Variants in WNT7B observed in about 807,000 individuals in gnomAD.
The protein encoded by WNT7B is protein Wnt-7b.
Under a neutral mutation model 38.2 loss-of-function variants are expected in WNT7B, and 19 were observed. The observed-to-expected ratio is 0.50, with a 90% CI of 0.35 to 0.73. The LOEUF is 0.73. WNT7B is among the 30% of genes least tolerant of loss of function. The pLI is 0.01. For synonymous variants in WNT7B, 243 were observed against 209.3 expected, an observed-to-expected ratio of 1.16 and a Z score of -1.39; for missense variants, 423 against 507.9, an observed-to-expected ratio of 0.83 and a Z score of 1.61.
intron 2 of WNT7B, among the ~76,000 whole-genome samples, chr22:45,948,444 C>T (rs1408653632): frequency 6.6e-6 from 1 of 152,244 alleles, no homozygotes; most frequent in Non-Finnish European, 1.5e-5. Context: ...TGCGCCACCC[C>T]CAGCCCCACA....
intron 1 of WNT7B, among the ~76,000 whole-genome samples, chr22:45,959,120 G>C (rs1932137348): frequency 6.6e-6 from 1 of 152,224 alleles, no homozygotes; most frequent in Admixed American, 6.5e-5. Context: ...TGAATGGTGG[G>C]TGACGAGTGG....
In WNT7B at chr22:45,977,152, C is replaced by G. The variant is rs1292320575; in HGVS notation, c.-398G>C. 7.1e-6 allele frequency: 3 copies of G among 420,562 alleles called. No individual in the cohort carries two copies. Among genetic ancestry groups the G allele is most frequent in the African/African-American group, 6.5e-5 (3 of 46,218 alleles). The allele number at this position is 420,562 out of a possible 1,614,324, so 26.1% of individuals were successfully genotyped here. A position where few individuals can be genotyped will look rare whatever the true frequency, so the allele number is the denominator to read the frequency against. On this transcript the variant is annotated 5_prime_UTR_variant, in exon 1 of 4. Coordinates refer to ENST00000339464, the MANE Select transcript of WNT7B (RefSeq NM_058238.3). The stretch of plus-strand genomic sequence containing the variant: ...AATGTGTCCGCACTTGTCGGCCGCC[C>G]CAGGTGACTCGCGGCCCCGGCAAGC...
intron 1 of WNT7B, among the ~76,000 whole-genome samples, chr22:45,969,301 C>G (rs937433919): frequency 2.0e-5 from 3 of 152,242 alleles, no homozygotes; most frequent in Admixed American, 6.5e-5. Context: ...TGACAGGCTC[C>G]TACCGGAAGA....
At chr22:45,948,086 G>T (rs1158411746) in intron 2 of WNT7B, among the ~76,000 whole-genome samples, 1 of 152,226 alleles carries the variant, frequency 6.6e-6, no homozygotes, top group Non-Finnish European at 1.5e-5. Flanking sequence ...CAGCGAGGCA[G>T]CAAGGATTAG....
intron 1 of WNT7B, among the ~76,000 whole-genome samples, chr22:45,968,237 C>T (rs1415319666): frequency 3.3e-5 from 5 of 152,010 alleles, no homozygotes; most frequent in Non-Finnish European, 7.4e-5. Context: ...TCTGAGATGC[C>T]CTAGGGGGTC....
intron 2 of WNT7B, among the ~76,000 whole-genome samples, chr22:45,933,170 G>A (rs573519760): frequency 4.6e-5 from 7 of 152,280 alleles, no homozygotes; most frequent in African/African-American, 1.2e-4. Context: ...TCTGTCTGCC[G>A]TCATGGAGGG....
chr22:45,959,605 A>T (rs981976759), intron 1 of WNT7B, among the ~76,000 whole-genome samples: 1 of 151,970 alleles, frequency 6.6e-6, no homozygotes, highest in South Asian at 2.1e-4. Context: ...ATTCCCAAAA[A>T]CCGACCCCAC....
chr22:45,926,963 C>A (rs2146705636), intron 3 of WNT7B: 1 of 985,442 alleles, frequency 1.0e-6, no homozygotes, highest in East Asian at 1.1e-4. Flanking sequence ...TGGGACATGG[C>A]CAGCTAAGGG....
rs1930958326 is a variant in WNT7B, at chr22:45,922,565, G to A, written c.*291C>T. On this transcript the variant is annotated 3_prime_UTR_variant, in exon 4 of 4. Coordinates refer to ENST00000339464, the MANE Select transcript of WNT7B (RefSeq NM_058238.3). ...CGTTCATTTTCCCAGAGAGAAGAAA[G>A]AGAACTTGCCGGGCCCCGTCGGGGA... The A allele has an allele frequency of 4.5e-6, 2 of 448,144 alleles. No homozygotes were observed. Among genetic ancestry groups the A allele is most frequent in the East Asian group, 7.3e-5 (2 of 27,342 alleles). The allele number at this position is 448,144 out of a possible 1,614,324, so 27.8% of individuals were successfully genotyped here.
intron 1 of WNT7B, among the ~76,000 whole-genome samples, chr22:45,960,298 G>A (rs1228838343): frequency 6.6e-6 from 1 of 152,154 alleles, no homozygotes; most frequent in Non-Finnish European, 1.5e-5. Context: ...ACCCCTCCTT[G>A]GGGAGGCACT....
chr22:45,922,801 A>C lies in WNT7B; in HGVS notation c.*55T>G. 1 of 1,553,672 alleles carries C rather than the reference A, an allele frequency of 6.4e-7. No individual in the cohort carries two copies. The highest frequency in any genetic ancestry group is 8.7e-7 in the Non-Finnish European group (1 of 1,147,292). On this transcript the variant is annotated 3_prime_UTR_variant, in exon 4 of 4. Coordinates refer to ENST00000339464, the MANE Select transcript of WNT7B (RefSeq NM_058238.3). ...CCAAGGCAGGGAAGGTGAGGAGTGGATGTGCAAAATGCCGCCGGGTTCCAG... is the reference window on the plus strand; with the variant it reads ...CCAAGGCAGGGAAGGTGAGGAGTGGCTGTGCAAAATGCCGCCGGGTTCCAG...
At chr22:45,929,834 TTCTATAC>T in intron 3 of WNT7B, among the ~76,000 whole-genome samples, 3 of 120,390 alleles carry the variant, frequency 2.5e-5, no homozygotes, top group African/African-American at 9.5e-5. Context: ...CCATGCACTC[TTCTATAC>T]ATCCACCCAC....
chr22:45,931,022 G>C, intron 3 of WNT7B, 76 bp downstream of exon 3: 3 of 1,471,772 alleles, frequency 2.0e-6, no homozygotes, highest in Non-Finnish European at 2.7e-6. Flanking sequence ...TAGAAGAGGA[G>C]CCTGAGGCTC....
At position 45,975,619 on chromosome 22, in the gene WNT7B, G is replaced by T. The variant is rs1179100731; in HGVS notation, c.71+1065C>A. 1 of 714,908 alleles carries T rather than the reference G, an allele frequency of 1.4e-6. No individual in the cohort carries two copies. Among genetic ancestry groups the T allele is most frequent in the Admixed American group, 2.0e-5 (1 of 49,896 alleles). 44.3% of individuals were successfully genotyped at this position (714,908 alleles called of 1,614,324 possible). A position where few individuals can be genotyped will look rare whatever the true frequency, so the allele number is the denominator to read the frequency against. ...TCCCAGCGCCTGCTTCCACCTCTCC[G>T]CCTGGGAAGCCGCGTCTCCCACCAG... On this transcript the variant is annotated intron_variant, in intron 1 of 3. Transcript: ENST00000339464. The surrounding 1 kb of genome is among the most constrained non-coding windows in gnomAD (Gnocchi z 6.6).
rs1370547058 is a variant in WNT7B, at chr22:45,922,484, TG to T, written c.*371del. Reference sequence around the variant, plus strand: ...CTGTGTCCATGCCGCCAGGTGGGGCTGGGGACGCTCAGTCTCCTCATCACTT... The same window carrying T: ...CTGTGTCCATGCCGCCAGGTGGGGCTGGGACGCTCAGTCTCCTCATCACTT... On this transcript the variant is annotated 3_prime_UTR_variant, in exon 4 of 4. Coordinates refer to ENST00000339464, the MANE Select transcript of WNT7B (RefSeq NM_058238.3). 1.6e-4 allele frequency: 35 copies of T among 216,316 alleles called. No homozygotes were observed. In the East Asian group the frequency reaches 2.9e-3, roughly 18 times the overall value. The allele number at this position is 216,316 out of a possible 1,614,324, so 13.4% of individuals were successfully genotyped here.
At chr22:45,949,368 T>C (rs2146732105) in intron 2 of WNT7B, among the ~76,000 whole-genome samples, 1 of 99,564 alleles carries the variant, frequency 1.0e-5, no homozygotes, top group African/African-American at 3.9e-5. Context: ...GGATTCCCCG[T>C]GCTCCACGTG....
At chr22:45,962,137 G>A (rs1932211738) in intron 1 of WNT7B, among the ~76,000 whole-genome samples, 1 of 141,744 alleles carries the variant, frequency 7.1e-6, no homozygotes, top group Admixed American at 7.1e-5. Context: ...AGAAGAACCA[G>A]ACCGCCTGGG....
At chr22:45,957,698 A>AC (rs1932101938) in intron 1 of WNT7B, among the ~76,000 whole-genome samples, 2 of 149,824 alleles carry the variant, frequency 1.3e-5, no homozygotes, top group African/African-American at 4.9e-5. Flanking sequence ...AAAAAAAAAA[A>AC]AAAAAAAAAA....
chr22:45,931,480 C>G, intron 2 of WNT7B, 111 bp from the exon 3 acceptor site: 4 of 1,299,358 alleles, frequency 3.1e-6, no homozygotes, highest in Non-Finnish European at 4.1e-6. Flanking sequence ...TTGTGTGACC[C>G]TGGGCTCATC....
Sources: gnomAD v4.1 joint callset for allele counts (sites outside exome capture counted in the v4.1 genomes callset) on GRCh38, gnomAD v4.1.1 for gene constraint, Gnocchi (gnomAD v3.1) non-coding constraint, MANE v1.5 for transcripts, NCBI Gene and HGNC (gene_info 2026-07-23, HGNC 2026-07-21) for gene names.